SYT1: variants seen among roughly 807,000 people sequenced by gnomAD.
SYT1 encodes synaptotagmin-1.
In SYT1, 8 loss-of-function variants were observed where a neutral mutation model predicts 44.8. The observed-to-expected ratio is 0.18, with a 90% CI of 0.10 to 0.32. The LOEUF is 0.32. Among genes scored for constraint, SYT1 ranks in the 10% least tolerant of loss-of-function variants. The probability of loss-of-function intolerance (pLI) is 1.00; values close to 1 mark genes in which losing one functional copy is unlikely to be tolerated. For synonymous variants in SYT1, 154 were observed against 188.8 expected (o/e 0.82, Z 1.51); for missense variants, 286 against 509.3 (o/e 0.56, Z 4.22).
chr12:79,344,627 T>C (rs80148763), intron 8 of SYT1, among the ~76,000 whole-genome samples: 1 of 152,046 alleles, frequency 6.6e-6, no homozygotes, highest in African/African-American at 2.4e-5. Context: ...GCTATTTTTT[T>C]GTATTTTTTT....
At chr12:79,121,909 T>C (rs192917265) in intron 3 of SYT1, among the ~76,000 whole-genome samples, 15 of 152,332 alleles carry the variant, frequency 9.8e-5, no homozygotes, top group Non-Finnish European at 1.9e-4. Flanking sequence ...AAGTTCCTAA[T>C]ACAAGATAGC....
chr12:79,306,910 T>A (rs1284553703), intron 8 of SYT1, among the ~76,000 whole-genome samples: 10 of 152,164 alleles, frequency 6.6e-5, no homozygotes, highest in Non-Finnish European at 1.5e-5. Flanking sequence ...ATTACTGAAA[T>A]AATGAAAAGG....
At chr12:78,868,327 G>T (rs1208472449) in intron 1 of SYT1, among the ~76,000 whole-genome samples, 1 of 151,830 alleles carries the variant, frequency 6.6e-6, no homozygotes, top group Non-Finnish European at 1.5e-5. Flanking sequence ...TGTAATGTAG[G>T]TATGCGTCTT....
At chr12:78,907,340 A>T (rs1876048241) in intron 1 of SYT1, among the ~76,000 whole-genome samples, 1 of 152,024 alleles carries the variant, frequency 6.6e-6, no homozygotes, top group Non-Finnish European at 1.5e-5. Context: ...TATCATAATT[A>T]CCTATACAAT....
chr12:79,310,922 C>T (rs1490157127), intron 8 of SYT1, among the ~76,000 whole-genome samples: 1 of 152,188 alleles, frequency 6.6e-6, no homozygotes, highest in African/African-American at 2.4e-5. Flanking sequence ...TGGGCTGAGA[C>T]AATGGGGTTT....
At chr12:79,424,615 CT>C (rs1869323397) in intron 9 of SYT1, among the ~76,000 whole-genome samples, 1 of 152,018 alleles carries the variant, frequency 6.6e-6, no homozygotes, top group African/African-American at 2.4e-5. Context: ...CTTTTTGAGG[CT>C]TTTTAAGGAC....
intron 9 of SYT1, among the ~76,000 whole-genome samples, chr12:79,377,859 G>T (rs1047127397): frequency 2.6e-5 from 4 of 152,120 alleles, no homozygotes; most frequent in African/African-American, 9.7e-5. Flanking sequence ...TTAAGCCTAT[G>T]ACACCAATTA....
intron 3 of SYT1, among the ~76,000 whole-genome samples, chr12:79,088,346 G>A (rs947542300): frequency 7.2e-5 from 11 of 152,028 alleles, no homozygotes; most frequent in African/African-American, 2.7e-4. Flanking sequence ...AAAACAAACT[G>A]ACAATAGACA....
chr12:79,064,944 G>C (rs181625674), intron 3 of SYT1, among the ~76,000 whole-genome samples: 7 of 130,088 alleles, frequency 5.4e-5, no homozygotes, highest in Non-Finnish European at 1.0e-4. Context: ...AAGAAAGAAA[G>C]AAAGAAAGAA....
intron 2 of SYT1, among the ~76,000 whole-genome samples, chr12:79,028,541 G>A (rs1359544483): frequency 2.6e-5 from 4 of 151,206 alleles, no homozygotes; most frequent in Admixed American, 6.6e-5. Flanking sequence ...TCATATCCAG[G>A]GCACTTAGCA....
At chr12:78,894,618 C>T (rs1875253279) in intron 1 of SYT1, among the ~76,000 whole-genome samples, 2 of 151,590 alleles carry the variant, frequency 1.3e-5, no homozygotes, top group South Asian at 4.2e-4. Context: ...ACAAGGATGA[C>T]AACTCATTAT....
chr12:78,919,848 T>G (rs758456012), intron 1 of SYT1, among the ~76,000 whole-genome samples: 1 of 152,162 alleles, frequency 6.6e-6, no homozygotes, highest in South Asian at 2.1e-4. Context: ...GAAAGTCTAA[T>G]TGTGTGTGCC....
At chr12:78,946,407 C>A (rs1278516612) in intron 1 of SYT1, among the ~76,000 whole-genome samples, 1 of 152,158 alleles carries the variant, frequency 6.6e-6, no homozygotes, top group Non-Finnish European at 1.5e-5. Context: ...CTAATCCCAG[C>A]ACTTTGGGAT....
rs185352843 is a variant in SYT1 at position 79,076,653 on chromosome 12, T to C, written c.-18+29291T>C. 1.8e-4 allele frequency among the ~76,000 whole-genome samples: 28 copies of C among 152,148 alleles called. No homozygotes were observed. The East Asian group carries it at 5.0e-3, about 27-fold the overall frequency. On this transcript the variant is annotated intron_variant, in intron 3 of 10. Transcript: ENST00000261205. ...CGAGCATATTTATAAGAATATAAATTGTTGAGGCAGGGTGCGGTGGCTCAC... is the reference window on the plus strand; with the variant it reads ...CGAGCATATTTATAAGAATATAAATCGTTGAGGCAGGGTGCGGTGGCTCAC...
intron 9 of SYT1, among the ~76,000 whole-genome samples, chr12:79,417,617 T>C (rs1433426450): frequency 1.3e-5 from 2 of 152,152 alleles, no homozygotes; most frequent in African/African-American, 4.8e-5. Flanking sequence ...TCGAATTCCT[T>C]AGAATGCTCT....
At chr12:78,887,279 T>C (rs1274763053) in intron 1 of SYT1, among the ~76,000 whole-genome samples, 3 of 152,014 alleles carry the variant, frequency 2.0e-5, no homozygotes, top group Non-Finnish European at 4.4e-5. Context: ...TTAGTAGTCC[T>C]GGCAGTTGTC....
At chr12:79,348,972 AGAAAGAGGAAGAAAGAAAGAGAGAAG>A (rs1306334072) in intron 8 of SYT1, among the ~76,000 whole-genome samples, 1 of 148,964 alleles carries the variant, frequency 6.7e-6, no homozygotes, top group Admixed American at 6.7e-5. Context: ...AGAAAGAAAA[AGAAAGAGGAAGAAAGAAAGAGAGAAG>A]GAAAGAAAGA....
At chr12:79,125,247 A>G (rs11831255) in intron 3 of SYT1, among the ~76,000 whole-genome samples, 16,932 of 151,988 alleles carry the variant, frequency 0.11, 991 homozygotes, top group African/African-American at 0.12. Flanking sequence ...TAACGTACCT[A>G]TTTATTTTTC....
intron 1 of SYT1, among the ~76,000 whole-genome samples, chr12:78,969,869 G>A (rs752186918): frequency 6.6e-6 from 1 of 152,182 alleles, no homozygotes; most frequent in Non-Finnish European, 1.5e-5. Flanking sequence ...GATCAAGATT[G>A]TCTTCAAGGA....
Sources: allele counts gnomAD v4.1 joint callset (sites outside exome capture counted in the v4.1 genomes callset), GRCh38; gene constraint gnomAD v4.1.1; transcripts MANE v1.5; gene names NCBI Gene and HGNC (gene_info 2026-07-23, HGNC 2026-07-21).